The following CCDC178 variants were observed in gnomAD, a reference collection of about 807,000 sequenced individuals.
CCDC178 encodes the protein coiled-coil domain containing 178.
CCDC178 carries 126 observed loss-of-function variants against 117.4 expected under a neutral mutation model. The ratio of observed to expected loss-of-function variants is 1.07; its 90% CI spans 0.93 to 1.24. The LOEUF (loss-of-function observed/expected upper bound fraction) is 1.24. Ranked by LOEUF, CCDC178 falls within the 50% of genes most tolerant of loss-of-function variation. The pLI, the probability that CCDC178 is intolerant of heterozygous loss-of-function variation, is 0.00. For missense variants in CCDC178, 1,030 were observed against 986.9 expected (o/e 1.04, Z -0.59); for synonymous variants, 283 against 313.4 (o/e 0.90, Z 1.02).
intron 20 of CCDC178, among the ~76,000 whole-genome samples, chr18:33,162,195 G>T (rs2058473054): frequency 6.6e-6 from 1 of 152,152 alleles, no homozygotes; most frequent in Non-Finnish European, 1.5e-5. Flanking sequence ...GGTGAGGGGA[G>T]AGGGGAGGGA....
intron 6 of CCDC178, among the ~76,000 whole-genome samples, chr18:33,365,934 G>A (rs1003402556): frequency 4.6e-5 from 7 of 152,026 alleles, no homozygotes; most frequent in East Asian, 1.9e-4. Flanking sequence ...AAAATATGGG[G>A]AAAATTCTCA....
chr18:33,034,327 A>C (rs1227311488), intron 21 of CCDC178, among the ~76,000 whole-genome samples: 3 of 152,040 alleles, frequency 2.0e-5, no homozygotes, highest in Non-Finnish European at 4.4e-5. Context: ...CAATTGCCTC[A>C]AAGGGCTTTT....
chr18:33,269,678 C>T (rs577788003), intron 12 of CCDC178, among the ~76,000 whole-genome samples: 1 of 151,902 alleles, frequency 6.6e-6, no homozygotes, highest in South Asian at 2.1e-4. Flanking sequence ...AGACAACAGA[C>T]TTTACTTAAT....
intron 21 of CCDC178, among the ~76,000 whole-genome samples, chr18:33,021,152 A>G (rs1003094373): frequency 1.3e-5 from 2 of 152,098 alleles, no homozygotes; most frequent in East Asian, 3.8e-4. Context: ...TAATGCAGAA[A>G]TACATAACTC....
At position 33,011,767 on chromosome 18, in the gene CCDC178, C is replaced by CAA. The variant is rs71177899; in HGVS notation, c.2389-37088_2389-37087dup. ...ACGTGGCAAATGATTGAGCAGAATGCAAAAAAAAAAAAAAAAAAAAAAAAA... is the reference window on the plus strand; with the variant it reads ...ACGTGGCAAATGATTGAGCAGAATGCAAAAAAAAAAAAAAAAAAAAAAAAAAA... On this transcript the variant is annotated intron_variant, in intron 21 of 22. Transcript: ENST00000383096. 4.7e-4 allele frequency among the ~76,000 whole-genome samples: 14 copies of CAA among 30,012 alleles called. 5 individuals are homozygous for CAA. The highest frequency in any genetic ancestry group is 9.9e-4 in the Non-Finnish European group (11 of 11,132). 19.7% of individuals were successfully genotyped at this position (30,012 alleles called of 152,430 possible).
Position 33,301,189 on chromosome 18 carries a change from C to T in CCDC178, c.1023-7877G>A, listed in dbSNP as rs536955649. 5.3e-4 allele frequency among the ~76,000 whole-genome samples: 81 copies of T among 152,256 alleles called. 1 individual carries two copies. In the South Asian group the frequency reaches 0.015, roughly 28 times the overall value. Reference sequence around the variant, plus strand: ...GTTTTGGCTGCCACTCTGGAGGGTACAAGCCATAAGCCTTGGTGGCTTCCA... The same window carrying T: ...GTTTTGGCTGCCACTCTGGAGGGTATAAGCCATAAGCCTTGGTGGCTTCCA... On this transcript the variant is annotated intron_variant, in intron 11 of 22. Transcript: ENST00000383096.
intron 12 of CCDC178, among the ~76,000 whole-genome samples, chr18:33,272,051 T>G (rs2059897471): frequency 2.6e-5 from 4 of 151,254 alleles, no homozygotes; most frequent in Admixed American, 1.3e-4. Flanking sequence ...AAAATTAATT[T>G]TTAAAAAACT....
intron 22 of CCDC178, among the ~76,000 whole-genome samples, chr18:32,951,160 C>T (rs924126984): frequency 2.0e-5 from 3 of 152,112 alleles, no homozygotes; most frequent in Non-Finnish European, 4.4e-5. Flanking sequence ...CTATGTTAAC[C>T]TATGCTTGAA....
chr18:33,344,467 C>A (rs183753241), intron 9 of CCDC178, among the ~76,000 whole-genome samples: 7 of 151,936 alleles, frequency 4.6e-5, no homozygotes, highest in African/African-American at 1.7e-4. Flanking sequence ...AAGTTGTCAC[C>A]CATAACAAAT....
Position 33,245,248 on chromosome 18 carries a change from G to T in CCDC178, c.1590C>A (p.Phe530Leu). ...GAGGAACACAAAGATACACAACCTT[G>T]AACTTTCTTCTCACTTCTGCTATTT... is the stretch of plus-strand genomic sequence containing the variant. ...EDKIAEVRRK[F>L]KGREEFLKKL... Residue 530 changes from phenylalanine to leucine, a missense_variant, in exon 15 of 23, where the codon TTC (phenylalanine) becomes TTA (leucine). Physicochemically the swap from Phe to Leu is conservative, Grantham distance 22. Coordinates refer to ENST00000383096, the MANE Select transcript of CCDC178 (RefSeq NM_001105528.4). The T allele has an allele frequency of 6.3e-7, 1 of 1,579,610 alleles. No homozygotes were observed. The highest frequency in any genetic ancestry group is 1.2e-5 in the South Asian group (1 of 82,450).
At position 33,090,168 on chromosome 18, in the gene CCDC178, G is replaced by T. The variant is rs534973430; in HGVS notation, c.2388+2593C>A. On this transcript the variant is annotated intron_variant, in intron 21 of 22. Transcript: ENST00000383096. Reference sequence around the variant, plus strand: ...GTGTATATAAGATTGTGTCAAGTAAGGGGACATTATTTTCCATTTGTTTCA... The same window carrying T: ...GTGTATATAAGATTGTGTCAAGTAATGGGACATTATTTTCCATTTGTTTCA... 2.8e-4 allele frequency among the ~76,000 whole-genome samples: 42 copies of T among 152,150 alleles called. No homozygotes were observed. The South Asian group carries it at 7.5e-3, about 27-fold the overall frequency.
At chr18:33,255,135 C>A (rs899389454) in intron 14 of CCDC178, among the ~76,000 whole-genome samples, 1 of 152,026 alleles carries the variant, frequency 6.6e-6, no homozygotes, top group African/African-American at 2.4e-5. Context: ...GTTCACTTCC[C>A]CTTTGACCTT....
intron 20 of CCDC178, among the ~76,000 whole-genome samples, chr18:33,205,141 T>C (rs1392795519): frequency 2.0e-5 from 3 of 151,988 alleles, no homozygotes; most frequent in African/African-American, 7.2e-5. Context: ...TAAATGACAA[T>C]AGTATACATA....
chr18:33,194,743 G>C (rs8087964), intron 20 of CCDC178, among the ~76,000 whole-genome samples: 10,107 of 151,630 alleles, frequency 0.067, 570 homozygotes, highest in African/African-American at 0.15. Context: ...AACTTTTTCT[G>C]TGATATTTGG....
intron 7 of CCDC178, among the ~76,000 whole-genome samples, chr18:33,353,917 T>C (rs548337065): frequency 4.6e-5 from 7 of 152,342 alleles, no homozygotes; most frequent in Admixed American, 3.3e-4. Flanking sequence ...AGTTACTCTC[T>C]AGTGTCGTTT....
chr18:33,324,673 T>C (rs1269295209), intron 10 of CCDC178, among the ~76,000 whole-genome samples: 1 of 131,104 alleles, frequency 7.6e-6, no homozygotes, highest in Non-Finnish European at 1.8e-5. Context: ...GCTGTTTCTG[T>C]AACAATTTTG....
intron 20 of CCDC178, among the ~76,000 whole-genome samples, chr18:33,173,778 A>G (rs918256739): frequency 6.6e-6 from 1 of 152,136 alleles, no homozygotes; most frequent in South Asian, 2.1e-4. Context: ...TTCTCTCTTC[A>G]GTGTGTCCTG....
intron 20 of CCDC178, among the ~76,000 whole-genome samples, chr18:33,142,799 T>G (rs1023986648): frequency 1.1e-4 from 17 of 152,264 alleles, no homozygotes; most frequent in African/African-American, 4.1e-4. Context: ...AAGAAGAATA[T>G]CTAAATATTA....
At chr18:33,066,018 C>T (rs930250638) in intron 21 of CCDC178, among the ~76,000 whole-genome samples, 4 of 151,834 alleles carry the variant, frequency 2.6e-5, no homozygotes, top group South Asian at 2.1e-4. Context: ...CCTGCCATCA[C>T]GCCTGGCTAA....
Sources: gnomAD v4.1 joint callset for allele counts (sites outside exome capture counted in the v4.1 genomes callset) on GRCh38, gnomAD v4.1.1 for gene constraint, MANE v1.5 for transcripts, NCBI Gene and HGNC (gene_info 2026-07-23, HGNC 2026-07-21) for gene names.